NAV3: variants seen among roughly 807,000 people sequenced by gnomAD.
The protein encoded by NAV3 is neuron navigator 3, also known as pore membrane and/or filament interacting like protein 1.
NAV3 carries 87 observed loss-of-function variants against 244.7 expected under a neutral mutation model. The observed-to-expected ratio is 0.36, with a 90% confidence interval of 0.30 to 0.42. The LOEUF is 0.42. Among genes scored for constraint, NAV3 ranks in the 20% least tolerant of loss-of-function variants. NAV3 has a pLI of 1.00. For synonymous variants in NAV3, 1,126 were observed against 1,042.2 expected (o/e 1.08, Z -1.55); for missense variants, 2,663 against 2,893.3 (o/e 0.92, Z 1.83).
intron 24 of NAV3, 92 bp from the exon 25 acceptor site, chr12:78,175,214 T>G: frequency 7.1e-7 from 1 of 1,409,450 alleles, no homozygotes; most frequent in Non-Finnish European, 9.7e-7. Flanking sequence ...TTGACCTTTA[T>G]TAGAGAACTG....
intron 1 of NAV3, among the ~76,000 whole-genome samples, chr12:77,909,336 T>TG (rs1886336197): frequency 1.3e-5 from 2 of 152,052 alleles, no homozygotes; most frequent in Non-Finnish European, 2.9e-5. Context: ...GGGAGAGCTT[T>TG]GTCCATCCGG....
intron 11 of NAV3, among the ~76,000 whole-genome samples, chr12:78,054,623 G>C (rs1883217572): frequency 6.6e-6 from 1 of 152,148 alleles, no homozygotes; most frequent in African/African-American, 2.4e-5. Flanking sequence ...TATGGTAGTG[G>C]CATTTGTAGG....
intron 12 of NAV3, among the ~76,000 whole-genome samples, chr12:78,059,932 G>A (rs756977013): frequency 2.0e-5 from 3 of 151,158 alleles, no homozygotes; most frequent in Non-Finnish European, 4.4e-5. Flanking sequence ...GCTTATTTTT[G>A]CTTCTTTATT....
intron 12 of NAV3, among the ~76,000 whole-genome samples, chr12:78,093,997 C>T (rs1028388588): frequency 1.3e-5 from 2 of 152,104 alleles, no homozygotes; most frequent in Admixed American, 6.5e-5. Flanking sequence ...CACACCATCA[C>T]ATCTGACTAA....
At chr12:78,047,180 A>G (rs1180592693) in intron 9 of NAV3, among the ~76,000 whole-genome samples, 1 of 152,076 alleles carries the variant, frequency 6.6e-6, no homozygotes, top group East Asian at 1.9e-4. Context: ...TTCTGGGTTG[A>G]AAATCCTCTG....
intron 21 of NAV3, among the ~76,000 whole-genome samples, chr12:78,147,421 T>A (rs757702913): frequency 6.6e-6 from 1 of 151,996 alleles, no homozygotes; most frequent in African/African-American, 2.4e-5. Flanking sequence ...TTTCAATCAC[T>A]TTACAGTTTC....
At chr12:78,155,797 C>T (rs1332774241) in intron 22 of NAV3, among the ~76,000 whole-genome samples, 1 of 151,968 alleles carries the variant, frequency 6.6e-6, no homozygotes, top group Non-Finnish European at 1.5e-5. Flanking sequence ...TTGTAAGTGT[C>T]TATTCATATC....
In NAV3 at chr12:78,119,266, A is replaced by G. The variant is rs1416807714; in HGVS notation, c.3070A>G (p.Lys1024Glu). The change falls in exon 15 of 40, where the codon AAA (lysine) becomes GAA (glutamate). Residue 1024 changes from lysine (K) to glutamate (E), a missense_variant. Physicochemically the swap from Lys to Glu is moderately conservative, Grantham distance 56. Around this residue, in one of 6 missense-constraint regions of NAV3, gnomAD observed 1,521 missense variants for 1,497.0 expected, o/e 1.02. Transcript: ENST00000397909. ...GKTDDAKASE[K>E]GKAPLKGSSL... ...AACCGATGATGCCAAAGCTTCTGAGAAAGGAAAAGCTCCCCTAAAAGGATC... is the reference window on the plus strand; with the variant it reads ...AACCGATGATGCCAAAGCTTCTGAGGAAGGAAAAGCTCCCCTAAAAGGATC... The G allele has an allele frequency of 3.7e-6, 6 of 1,612,964 alleles. No individual in the cohort carries two copies. Among genetic ancestry groups the G allele is most frequent in the Non-Finnish European group, 5.1e-6 (6 of 1,179,714 alleles).
chr12:77,771,357 G>T (rs1200753841), intron 2 of NAV3, among the ~76,000 whole-genome samples: 4 of 152,276 alleles, frequency 2.6e-5, no homozygotes, highest in Admixed American at 6.5e-5. Context: ...TCAGTGTGGC[G>T]ATTCCTCAGG....
At chr12:77,902,134 G>T (rs1422998213) in intron 1 of NAV3, among the ~76,000 whole-genome samples, 3 of 152,080 alleles carry the variant, frequency 2.0e-5, no homozygotes, top group Non-Finnish European at 4.4e-5. Flanking sequence ...AACTTTAGTT[G>T]TCGAGTTATT....
intron 2 of NAV3, among the ~76,000 whole-genome samples, chr12:77,728,432 G>A (rs1333617672): frequency 6.6e-6 from 1 of 151,986 alleles, no homozygotes; most frequent in East Asian, 1.9e-4. Flanking sequence ...TGTAACTCCA[G>A]TGAATACTGA....
At chr12:77,816,826 T>A (rs1035074848) in intron 2 of NAV3, among the ~76,000 whole-genome samples, 1 of 152,194 alleles carries the variant, frequency 6.6e-6, no homozygotes, top group African/African-American at 2.4e-5. Flanking sequence ...TAGGACTTTA[T>A]GTTTTAGCTC....
chr12:77,894,332 G>C (rs1459127234), intron 1 of NAV3, among the ~76,000 whole-genome samples: 1 of 152,080 alleles, frequency 6.6e-6, no homozygotes, highest in Non-Finnish European at 1.5e-5. Flanking sequence ...ATGTACATCT[G>C]TTATTATAGT....
intron 9 of NAV3, among the ~76,000 whole-genome samples, chr12:78,044,479 T>C (rs1475678697): frequency 2.0e-5 from 3 of 152,200 alleles, no homozygotes; most frequent in Admixed American, 2.0e-4. Flanking sequence ...AAGTCAATGG[T>C]AGCTTTATGG....
chr12:77,895,026 T>C (rs1018989474), intron 1 of NAV3, among the ~76,000 whole-genome samples: 1 of 151,984 alleles, frequency 6.6e-6, no homozygotes, highest in Admixed American at 6.6e-5. Flanking sequence ...TGCAGAGGAG[T>C]AACTTATTAA....
At chr12:77,646,554 A>AGCTTGAAC (rs1245919582) in intron 2 of NAV3, among the ~76,000 whole-genome samples, 2 of 152,102 alleles carry the variant, frequency 1.3e-5, no homozygotes, top group African/African-American at 4.8e-5. Context: ...TGGAAAGAAG[A>AGCTTGAAC]GCTTGAACAA....
chr12:77,762,516 T>C (rs1869523946), intron 2 of NAV3, among the ~76,000 whole-genome samples: 1 of 152,052 alleles, frequency 6.6e-6, no homozygotes, highest in Non-Finnish European at 1.5e-5. Context: ...GGCAGGGGAA[T>C]CGCTTGAACC....
At chr12:77,798,448 T>A (rs1871538855) in intron 2 of NAV3, among the ~76,000 whole-genome samples, 3 of 152,094 alleles carry the variant, frequency 2.0e-5, no homozygotes, top group Non-Finnish European at 4.4e-5. Flanking sequence ...AATATAAAGT[T>A]GTAAAACTTT....
chr12:77,705,009 A>G (rs895030329), intron 2 of NAV3, among the ~76,000 whole-genome samples: 5 of 152,242 alleles, frequency 3.3e-5, no homozygotes, highest in Admixed American at 2.0e-4. Context: ...GATGCAAGAG[A>G]CAGAGAGAAG....
Sources: allele counts gnomAD v4.1 joint callset (sites outside exome capture counted in the v4.1 genomes callset), GRCh38; gene constraint gnomAD v4.1.1; regional missense constraint gnomAD v4.1.1; transcripts MANE v1.5; gene names NCBI Gene and HGNC (gene_info 2026-07-23, HGNC 2026-07-21).